ATP11C: variants seen among roughly 807,000 people sequenced by gnomAD.
ATP11C encodes the protein phospholipid-transporting ATPase IG.
ATP11C carries 36 observed loss-of-function variants against 97.4 expected under a neutral mutation model. The ratio of observed to expected loss-of-function variants is 0.37; its 90% CI spans 0.28 to 0.49. ATP11C has a LOEUF of 0.49. ATP11C is among the 20% of genes least tolerant of loss of function. The pLI, the probability that ATP11C is intolerant of heterozygous loss-of-function variation, is 0.98. For synonymous variants in ATP11C, 275 were observed against 290.9 expected (o/e 0.95, Z 0.56); for missense variants, 730 against 824.6 (o/e 0.89, Z 1.40).
At chrX:139,770,092 C>T (rs965834051) in intron 19 of ATP11C, among the ~76,000 whole-genome samples, 21 of 111,945 alleles carry the variant, frequency 1.9e-4, no homozygotes, top group Admixed American at 9.5e-4. Flanking sequence ...ATATTAATAG[C>T]TTACTTATGG....
At position 139,782,305 on chromosome X, in the gene ATP11C, C is replaced by T. The variant is rs1216067670; in HGVS notation, c.1952+242G>A. On this transcript the variant is annotated intron_variant, in intron 18 of 29. Transcript: ENST00000682941. ...CCGCGCCACTGCACTCCAGCCTGGG[C>T]GACAGAGCGAGACTCTGTCTCAAAA... 9.7e-5 allele frequency among the ~76,000 whole-genome samples: 10 copies of T among 103,614 alleles called. 1 individual carries two copies. The highest frequency in any genetic ancestry group is 9.1e-3 in the Middle Eastern group (2 of 220). 90.0% of individuals were successfully genotyped at this position (103,614 alleles called of 115,157 possible).
intron 1 of ATP11C, among the ~76,000 whole-genome samples, chrX:139,849,923 C>T (rs774775463): frequency 3.6e-5 from 4 of 112,042 alleles, no homozygotes; most frequent in Non-Finnish European, 7.5e-5. Flanking sequence ...TGCTCTTGCC[C>T]TCTTTTGCCC....
rs2083802521 is a variant in ATP11C, at chrX:139,839,895, C to A, written c.28-13072G>T. On this transcript the variant is annotated intron_variant, in intron 1 of 29. Coordinates refer to ENST00000682941, the MANE Select transcript of ATP11C (RefSeq NM_001353812.2). The stretch of plus-strand genomic sequence containing the variant: ...TCCATTCCAGGTAAGCCGGAGGACC[C>A]TTCTTGTCCCTGAGTATTCCACTGT... Among the ~76,000 whole-genome samples, 3 of 110,962 alleles carry A rather than the reference C, an allele frequency of 2.7e-5. No individual in the cohort carries two copies. The South Asian group carries it at 1.2e-3, about 43-fold the overall frequency.
At chrX:139,901,047 T>A (rs1034343659) in intron 1 of ATP11C, among the ~76,000 whole-genome samples, 8 of 111,622 alleles carry the variant, frequency 7.2e-5, no homozygotes, top group African/African-American at 2.6e-4. Flanking sequence ...CTGAATTACA[T>A]GCAGTTTTTC....
chrX:139,922,683 C>T (rs1051384203), intron 1 of ATP11C, among the ~76,000 whole-genome samples: 8 of 111,500 alleles, frequency 7.2e-5, no homozygotes, highest in African/African-American at 2.6e-4. Context: ...CTCACCAGTA[C>T]CCAACCATGC....
chrX:139,743,292 T>C (rs2081610749), intron 26 of ATP11C, among the ~76,000 whole-genome samples: 1 of 110,144 alleles, frequency 9.1e-6, no homozygotes, highest in Non-Finnish European at 1.9e-5. Flanking sequence ...AAGAAACAGA[T>C]TTTCGACATA....
intron 2 of ATP11C, among the ~76,000 whole-genome samples, chrX:139,824,027 G>A (rs1053678001): frequency 4.7e-5 from 5 of 106,868 alleles, no homozygotes; most frequent in South Asian, 8.4e-4. Flanking sequence ...CTGTAATCCC[G>A]GCACTTTCGG....
At chrX:139,748,610 G>A (rs1361508263) in intron 24 of ATP11C, among the ~76,000 whole-genome samples, 1 of 111,367 alleles carries the variant, frequency 9.0e-6, no homozygotes, top group Non-Finnish European at 1.9e-5. Flanking sequence ...AAAGAGTGTA[G>A]TAGGAGCTGA....
At chrX:139,767,668 G>C (rs970618457) in intron 20 of ATP11C, among the ~76,000 whole-genome samples, 3 of 111,644 alleles carry the variant, frequency 2.7e-5, no homozygotes, top group African/African-American at 9.8e-5. Context: ...CTTATCCAGA[G>C]AGAGACCATA....
At chrX:139,916,579 G>A (rs2085159681) in intron 1 of ATP11C, among the ~76,000 whole-genome samples, 1 of 111,332 alleles carries the variant, frequency 9.0e-6, no homozygotes, top group Non-Finnish European at 1.9e-5. Flanking sequence ...GGAAGGATCA[G>A]GAACAGCTTC....
intron 1 of ATP11C, among the ~76,000 whole-genome samples, chrX:139,921,637 CTT>C (rs1466396880): frequency 9.0e-6 from 1 of 111,624 alleles, no homozygotes; most frequent in Non-Finnish European, 1.9e-5. Flanking sequence ...CTATCAAAAG[CTT>C]TCTTATCTAA....
At chrX:139,736,175 G>GA (rs75820507) in intron 28 of ATP11C, among the ~76,000 whole-genome samples, 252 of 105,488 alleles carry the variant, frequency 2.4e-3, no homozygotes, top group African/African-American at 3.1e-3. Flanking sequence ...CTGTTCGTGT[G>GA]AAAAAAAAAA....
At chrX:139,773,617 A>C (rs1161296564) in intron 19 of ATP11C, among the ~76,000 whole-genome samples, 1 of 112,857 alleles carries the variant, frequency 8.9e-6, no homozygotes, top group Non-Finnish European at 1.9e-5. Context: ...ATTTGGCTAA[A>C]GGAAAAAGTT....
chrX:139,865,228 T>C (rs1474647839), intron 1 of ATP11C, among the ~76,000 whole-genome samples: 1 of 111,226 alleles, frequency 9.0e-6, no homozygotes, highest in African/African-American at 3.3e-5. Flanking sequence ...AAAATTAAAC[T>C]GGCATGGTGG....
intron 1 of ATP11C, among the ~76,000 whole-genome samples, chrX:139,839,441 G>A (rs913296722): frequency 1.8e-5 from 2 of 112,108 alleles, no homozygotes; most frequent in Non-Finnish European, 1.9e-5. Flanking sequence ...AGGTAAATCC[G>A]TTAACACAGT....
chrX:139,891,158 A>G (rs902968184), intron 1 of ATP11C, among the ~76,000 whole-genome samples: 67 of 105,501 alleles, frequency 6.4e-4, no homozygotes, highest in Non-Finnish European at 1.2e-3. Context: ...CAAGATTTGC[A>G]TAAAGAAAGA....
At chrX:139,854,226 A>C (rs1318603709) in intron 1 of ATP11C, among the ~76,000 whole-genome samples, 1 of 112,693 alleles carries the variant, frequency 8.9e-6, no homozygotes, top group Non-Finnish European at 1.9e-5. Context: ...GGAACCATCT[A>C]TATCAATTCT....
intron 19 of ATP11C, among the ~76,000 whole-genome samples, chrX:139,772,447 C>T (rs1371077508): frequency 9.0e-6 from 1 of 111,424 alleles, no homozygotes; most frequent in Non-Finnish European, 1.9e-5. Flanking sequence ...AGAGGGCCAC[C>T]ATCCTCCAGA....
chrX:139,803,734 T>C (rs1367334872), intron 6 of ATP11C, among the ~76,000 whole-genome samples: 1 of 79,818 alleles, frequency 1.3e-5, no homozygotes, highest in Non-Finnish European at 2.3e-5. Context: ...AGACTCACCC[T>C]GTCACCTAGG....
Sources: allele counts gnomAD v4.1 joint callset (sites outside exome capture counted in the v4.1 genomes callset), GRCh38; gene constraint gnomAD v4.1.1; transcripts MANE v1.5; gene names NCBI Gene and HGNC (gene_info 2026-07-23, HGNC 2026-07-21).